Variants in ESRRG observed in about 807,000 individuals in gnomAD.
ESRRG encodes the protein estrogen related receptor gamma.
Under a neutral mutation model 44.0 loss-of-function variants are expected in ESRRG, and 13 were observed. That is an observed-to-expected ratio of 0.30 (90% confidence interval 0.19 to 0.47). The LOEUF (loss-of-function observed/expected upper bound fraction) is 0.47, where lower values mean the gene tolerates loss of function less well. Among genes scored for constraint, ESRRG ranks in the 20% least tolerant of loss-of-function variants. The probability of loss-of-function intolerance (pLI) is 1.00; values close to 1 mark genes in which losing one functional copy is unlikely to be tolerated. For synonymous variants in ESRRG, 215 were observed against 214.6 expected (o/e 1.00, Z -0.02); for missense variants, 395 against 580.6 (o/e 0.68, Z 3.29).
At chr1:216,938,163 G>T (rs1005273043) in intron 2 of ESRRG, among the ~76,000 whole-genome samples, 3 of 152,112 alleles carry the variant, frequency 2.0e-5, no homozygotes, top group African/African-American at 7.2e-5. Flanking sequence ...AATGCTCTGA[G>T]AGAGTTGGTT....
intron 3 of ESRRG, among the ~76,000 whole-genome samples, chr1:216,632,262 A>G (rs1030242101): frequency 6.6e-6 from 1 of 152,152 alleles, no homozygotes; most frequent in African/African-American, 2.4e-5. Context: ...CTCATTTTCA[A>G]AGCAATATTT....
intron 2 of ESRRG, among the ~76,000 whole-genome samples, chr1:216,815,376 C>T (rs1434614735): frequency 1.3e-5 from 2 of 152,186 alleles, no homozygotes; most frequent in Non-Finnish European, 2.9e-5. Flanking sequence ...AATGGCCACA[C>T]AGCTGGGAGC....
intron 3 of ESRRG, among the ~76,000 whole-genome samples, chr1:216,624,487 T>A (rs563683530): frequency 1.3e-5 from 2 of 152,278 alleles, no homozygotes; most frequent in East Asian, 3.9e-4. Context: ...TGACAGCTGA[T>A]CAAGACATCA....
At chr1:216,986,026 C>T (rs935768374) in intron 1 of ESRRG, among the ~76,000 whole-genome samples, 3 of 152,152 alleles carry the variant, frequency 2.0e-5, no homozygotes, top group African/African-American at 4.8e-5. Flanking sequence ...CCCCTCACTA[C>T]GGAAGCTCTT....
intron 2 of ESRRG, among the ~76,000 whole-genome samples, chr1:216,841,847 G>A (rs2095658507): frequency 6.6e-6 from 1 of 151,736 alleles, no homozygotes; most frequent in Admixed American, 6.6e-5. Flanking sequence ...TACATTAAAA[G>A]AAAGAAAAAA....
intron 1 of ESRRG, among the ~76,000 whole-genome samples, chr1:217,106,808 A>G (rs971609807): frequency 3.7e-4 from 57 of 152,014 alleles, no homozygotes; most frequent in African/African-American, 1.4e-3. Context: ...ATTGTGACAG[A>G]CTCACTCCTG....
intron 1 of ESRRG, among the ~76,000 whole-genome samples, chr1:216,989,107 G>T (rs1258794716): frequency 6.6e-6 from 1 of 151,948 alleles, no homozygotes; most frequent in Non-Finnish European, 1.5e-5. Flanking sequence ...TTCTAGAGTG[G>T]GTAATTTTTC....
intron 1 of ESRRG, among the ~76,000 whole-genome samples, chr1:217,003,336 CA>C (rs1560435796): frequency 6.6e-6 from 1 of 151,896 alleles, no homozygotes; most frequent in Non-Finnish European, 1.5e-5. Flanking sequence ...ACCTATAAAA[CA>C]GGGAAAATAA....
intron 1 of ESRRG, among the ~76,000 whole-genome samples, chr1:216,986,479 G>A (rs1199262013): frequency 1.3e-5 from 2 of 152,004 alleles, no homozygotes; most frequent in East Asian, 1.9e-4. Context: ...TTTGGGAGGC[G>A]AAGGTGGGCA....
At chr1:216,846,814 G>T (rs529118475) in intron 2 of ESRRG, among the ~76,000 whole-genome samples, 1 of 152,102 alleles carries the variant, frequency 6.6e-6, no homozygotes, top group African/African-American at 2.4e-5. Context: ...CCCAGATAAA[G>T]CTGAACCTGA....
rs2078815074 is a variant in ESRRG at position 216,690,259 on chromosome 1, G to A, written c.57-12768C>T. Among the ~76,000 whole-genome samples, 2 of 151,954 alleles carry A rather than the reference G, an allele frequency of 1.3e-5. 1 individual carries two copies. Among genetic ancestry groups the A allele is most frequent in the Admixed American group, 1.3e-4 (2 of 15,244 alleles). On this transcript the variant is annotated intron_variant, in intron 1 of 6. Transcript: ENST00000408911. ...CAAATTATGAAATATATACCTGTGTGTGGTGTGTGTGTGTGTGTTTGCATG... is the reference window on the plus strand; with the variant it reads ...CAAATTATGAAATATATACCTGTGTATGGTGTGTGTGTGTGTGTTTGCATG...
intron 1 of ESRRG, among the ~76,000 whole-genome samples, chr1:217,063,107 T>G (rs974546559): frequency 3.3e-5 from 5 of 152,112 alleles, no homozygotes; most frequent in African/African-American, 1.2e-4. Context: ...CTCCTCCCTA[T>G]TTAATGGGTT....
chr1:216,789,295 TGC>T (rs1169080172), intron 2 of ESRRG, among the ~76,000 whole-genome samples: 2 of 152,160 alleles, frequency 1.3e-5, no homozygotes, highest in Non-Finnish European at 2.9e-5. Flanking sequence ...CTTCAGCAAC[TGC>T]CATGCTGATC....
chr1:216,896,815 T>C (rs2058477130), intron 2 of ESRRG, among the ~76,000 whole-genome samples: 1 of 152,206 alleles, frequency 6.6e-6, no homozygotes, highest in South Asian at 2.1e-4. Context: ...ATATTATCTT[T>C]CTCTTGGCAC....
At chr1:216,687,750 A>G (rs1437040568) in intron 1 of ESRRG, among the ~76,000 whole-genome samples, 1 of 152,164 alleles carries the variant, frequency 6.6e-6, no homozygotes, top group African/African-American at 2.4e-5. Context: ...GTCTTTTTAC[A>G]TGGTGGGGTT....
intron 2 of ESRRG, among the ~76,000 whole-genome samples, chr1:216,890,768 C>T (rs1233106947): frequency 1.3e-5 from 2 of 152,182 alleles, no homozygotes; most frequent in African/African-American, 4.8e-5. Flanking sequence ...GGAGTCTTGC[C>T]TAGACCAAAT....
intron 3 of ESRRG, among the ~76,000 whole-genome samples, chr1:216,647,262 A>G (rs1022224210): frequency 2.2e-4 from 34 of 152,182 alleles, no homozygotes; most frequent in African/African-American, 7.7e-4. Context: ...GACATACAGT[A>G]TGGTATAATG....
chr1:216,653,394 A>T (rs11572701), intron 2 of ESRRG, among the ~76,000 whole-genome samples: 75 of 152,322 alleles, frequency 4.9e-4, no homozygotes, highest in African/African-American at 1.6e-3. Context: ...AAAAATCAAT[A>T]GAATTATTTG....
intron 2 of ESRRG, among the ~76,000 whole-genome samples, chr1:216,775,544 G>A (rs1259825273): frequency 9.6e-6 from 1 of 104,404 alleles, no homozygotes; most frequent in Non-Finnish European, 2.0e-5. Flanking sequence ...TAAATAAAAT[G>A]TCACATCTTT....
Sources: allele counts gnomAD v4.1 joint callset (sites outside exome capture counted in the v4.1 genomes callset), GRCh38; gene constraint gnomAD v4.1.1; transcripts MANE v1.5; gene names NCBI Gene and HGNC (gene_info 2026-07-23, HGNC 2026-07-21).